The following COPG2 variants were observed in gnomAD, a reference collection of about 807,000 sequenced individuals.
The protein encoded by COPG2 is coatomer subunit gamma-2.
COPG2 carries 37 observed loss-of-function variants against 46.3 expected under a neutral mutation model. The ratio of observed to expected loss-of-function variants is 0.80; its 90% confidence interval spans 0.61 to 1.05. The LOEUF is 1.05. Among genes scored for constraint, COPG2 ranks in the 50% least tolerant of loss-of-function variants. The pLI is 0.00. For missense variants in COPG2, 427 were observed against 387.8 expected (o/e 1.10, Z -0.85); for synonymous variants, 159 against 129.7 (o/e 1.23, Z -1.53).
chr7:130,626,691 A>G (rs1554454343), intron 5 of COPG2, among the ~76,000 whole-genome samples: 1 of 151,956 alleles, frequency 6.6e-6, no homozygotes, highest in Non-Finnish European at 1.5e-5. Flanking sequence ...TAACTCTTAC[A>G]CTTAGACCTT....
chr7:130,624,896 T>C (rs1795092042), intron 5 of COPG2, among the ~76,000 whole-genome samples: 1 of 152,252 alleles, frequency 6.6e-6, no homozygotes, highest in Non-Finnish European at 1.5e-5. Context: ...GTCTTTTTCA[T>C]ATAATGACTT....
At chr7:130,509,614 C>T in intron 20 of COPG2, 1 of 485,776 alleles carries the variant, frequency 2.1e-6, no homozygotes, top group Non-Finnish European at 4.2e-6. Flanking sequence ...TCCATCCACA[C>T]ATGTAGTGAC....
intron 4 of COPG2, 149 bp from the exon 5 acceptor site, chr7:130,653,097 G>A (rs1219804854): frequency 3.4e-6 from 2 of 587,146 alleles, no homozygotes; most frequent in Non-Finnish European, 5.9e-6. Flanking sequence ...TAATATCTGG[G>A]TGAGAAACTA....
intron 9 of COPG2, among the ~76,000 whole-genome samples, chr7:130,589,530 C>T (rs1412183885): frequency 4.6e-5 from 7 of 152,196 alleles, no homozygotes; most frequent in African/African-American, 1.7e-4. Context: ...TGCAATCCTT[C>T]CACTTCAGCC....
intron 20 of COPG2, chr7:130,510,261 A>G: frequency 1.9e-6 from 1 of 519,396 alleles, no homozygotes. Context: ...ATAGGAAAGA[A>G]TGAACCTATC....
intron 9 of COPG2, among the ~76,000 whole-genome samples, chr7:130,592,236 T>C (rs577119863): frequency 6.6e-6 from 1 of 152,168 alleles, no homozygotes; most frequent in African/African-American, 2.4e-5. Context: ...CACTCCCTAA[T>C]CTCAAGTACC....
chr7:130,626,400 ATTT>A (rs60484682), intron 5 of COPG2, among the ~76,000 whole-genome samples: 3,061 of 119,852 alleles, frequency 0.026, 33 homozygotes, highest in South Asian at 0.03. Context: ...CACCAGGCTA[ATTT>A]TTTTTTTTTT....
At chr7:130,551,912 AAC>A (rs1449795714) in intron 15 of COPG2, among the ~76,000 whole-genome samples, 1 of 152,206 alleles carries the variant, frequency 6.6e-6, no homozygotes, top group East Asian at 1.9e-4. Context: ...TGAATTACCT[AAC>A]AGTTTTTTTA....
At position 130,518,480 on chromosome 7, in the gene COPG2, A is replaced by G. The variant is rs974070747; in HGVS notation, c.2150-9821T>C. 1.6e-4 allele frequency among the ~76,000 whole-genome samples: 25 copies of G among 152,262 alleles called. No individual in the cohort carries two copies. In the East Asian group the frequency reaches 4.8e-3, roughly 29 times the overall value. ...AGAAGATGATCTGTATTTGGTATGG[A>G]GCAGGTGGGTGGCATTGAGGGAGTA... On this transcript the variant is annotated intron_variant, in intron 20 of 23. Transcript: ENST00000425248.
At chr7:130,595,661 C>T (rs1554449595) in intron 9 of COPG2, among the ~76,000 whole-genome samples, 1 of 152,228 alleles carries the variant, frequency 6.6e-6, no homozygotes, top group East Asian at 1.9e-4. Context: ...AGTACCCCCA[C>T]ACTCCCTTGA....
chr7:130,610,719 G>C (rs965368757), intron 9 of COPG2: 9 of 634,158 alleles, frequency 1.4e-5, no homozygotes, highest in Middle Eastern at 2.9e-4. Flanking sequence ...TATATTTTTT[G>C]TTCAATATCA....
intron 6 of COPG2, among the ~76,000 whole-genome samples, chr7:130,616,279 T>C (rs1452785085): frequency 6.6e-6 from 1 of 152,228 alleles, no homozygotes; most frequent in African/African-American, 2.4e-5. Context: ...ATGCTTACTA[T>C]ATTGGCAGCA....
intron 9 of COPG2, among the ~76,000 whole-genome samples, chr7:130,595,898 T>C (rs189930605): frequency 7.6e-4 from 116 of 152,300 alleles, no homozygotes; most frequent in African/African-American, 2.6e-3. Flanking sequence ...GTAAGTCCCA[T>C]TGGGGCCTTA....
Position 130,548,444 on chromosome 7 carries a change from G to C in COPG2, c.1936C>G (p.Arg646Gly). The C allele has an allele frequency of 2.5e-6, 1 of 398,528 alleles. No homozygotes were observed. The highest frequency in any genetic ancestry group is 3.6e-5 in the East Asian group (1 of 28,072). The allele number at this position is 398,528 out of a possible 1,614,324, so 24.7% of individuals were successfully genotyped here. Residue 646 changes from arginine (R) to glycine (G), a missense_variant, in exon 19 of 24, where the codon CGA becomes GGA. Arg to Gly is a moderately radical substitution (Grantham distance 125, BLOSUM62 -2). Coordinates refer to ENST00000425248, the MANE Select transcript of COPG2 (RefSeq NM_012133.6). Reference sequence around the variant, plus strand: ...TTGGTAAACATGTGCTTGATACATCGAACAAAATATTCTGTCTCTGCTTCT... The same window carrying C: ...TTGGTAAACATGTGCTTGATACATCCAACAAAATATTCTGTCTCTGCTTCT... ...LTEAETEYFV[R>G]CIKHMFTNHI... is the part of the protein sequence containing the mutation.
intron 4 of COPG2, among the ~76,000 whole-genome samples, chr7:130,662,019 A>T (rs1034622859): frequency 6.6e-6 from 1 of 151,360 alleles, no homozygotes; most frequent in Non-Finnish European, 1.5e-5. Flanking sequence ...CTGGCAAGGA[A>T]TGGGGCCCTG....
chr7:130,515,113 C>T (rs1799668584), intron 20 of COPG2, among the ~76,000 whole-genome samples: 3 of 152,096 alleles, frequency 2.0e-5, no homozygotes, highest in Non-Finnish European at 4.4e-5. Flanking sequence ...TTTTCCCCTC[C>T]CCCAGACCTA....
Position 130,636,705 on chromosome 7 carries a change from G to T in COPG2, c.323+16164C>A, listed in dbSNP as rs189580267. ...TGCCAGTCTGTGTCTTTCCACTGGG[G>T]CATTTAGCCAGTTTACATTTAAGGT... On this transcript the variant is annotated intron_variant, in intron 5 of 23. Transcript: ENST00000425248. Among the ~76,000 whole-genome samples, 4 of 152,194 alleles carry T rather than the reference G, an allele frequency of 2.6e-5. No homozygotes were observed. In the East Asian group the frequency reaches 7.7e-4, roughly 29 times the overall value.
chr7:130,546,120 C>G (rs1026687365), intron 20 of COPG2, among the ~76,000 whole-genome samples: 7 of 151,856 alleles, frequency 4.6e-5, no homozygotes, highest in Non-Finnish European at 1.0e-4. Context: ...TAATAGCATC[C>G]CTTAAAAAAC....
intron 20 of COPG2, chr7:130,511,542 G>A (rs373234602): frequency 1.0e-4 from 54 of 519,880 alleles, no homozygotes; most frequent in Non-Finnish European, 1.8e-4. Context: ...AGGAGGAATG[G>A]TACTGGAAAG....
Sources: allele counts gnomAD v4.1 joint callset (sites outside exome capture counted in the v4.1 genomes callset), GRCh38; gene constraint gnomAD v4.1.1; transcripts MANE v1.5; gene names NCBI Gene and HGNC (gene_info 2026-07-23, HGNC 2026-07-21).